Variants in DTNB observed in about 807,000 individuals in gnomAD.
DTNB encodes the protein dystrobrevin beta.
In DTNB, 63 loss-of-function variants were observed where a neutral mutation model predicts 90.7. The observed-to-expected ratio is 0.69, with a 90% CI of 0.57 to 0.86. DTNB has a LOEUF of 0.86. DTNB is among the 40% of genes least tolerant of loss of function. DTNB has a pLI of 0.00. For synonymous variants in DTNB, 277 were observed against 286.7 expected (o/e 0.97, Z 0.34); for missense variants, 744 against 807.1 (o/e 0.92, Z 0.95).
intron 4 of DTNB, among the ~76,000 whole-genome samples, chr2:25,615,330 G>C (rs1024355634): frequency 6.6e-6 from 1 of 151,974 alleles, no homozygotes; most frequent in Non-Finnish European, 1.5e-5. Flanking sequence ...CATTACCTAG[G>C]GGTGACTGAT....
At chr2:25,575,059 GAGTTAT>G (rs1297854429) in intron 8 of DTNB, among the ~76,000 whole-genome samples, 2 of 152,056 alleles carry the variant, frequency 1.3e-5, no homozygotes, top group Non-Finnish European at 2.9e-5. Context: ...ATTTTTAAAA[GAGTTAT>G]AGGTTAGCCA....
At chr2:25,514,501 C>CA (rs989866961) in intron 9 of DTNB, among the ~76,000 whole-genome samples, 1 of 144,874 alleles carries the variant, frequency 6.9e-6, no homozygotes, top group African/African-American at 2.6e-5. Context: ...CCACCCCCCA[C>CA]AAAAACAAAA....
At chr2:25,392,260 A>G (rs1448591535) in intron 16 of DTNB, among the ~76,000 whole-genome samples, 1 of 152,072 alleles carries the variant, frequency 6.6e-6, no homozygotes, top group Non-Finnish European at 1.5e-5. Flanking sequence ...AAAAACAAAA[A>G]TTAACAGGGT....
chr2:25,481,347 G>C (rs1333863710), intron 10 of DTNB, among the ~76,000 whole-genome samples: 1 of 151,458 alleles, frequency 6.6e-6, no homozygotes, highest in Non-Finnish European at 1.5e-5. Context: ...GGAGGTTGCA[G>C]TGAGCTAAGA....
At chr2:25,550,826 T>G (rs1378918272) in intron 8 of DTNB, among the ~76,000 whole-genome samples, 2 of 152,178 alleles carry the variant, frequency 1.3e-5, no homozygotes, top group African/African-American at 4.8e-5. Context: ...ATCTTTGTAT[T>G]TTTAGTAGAG....
In DTNB at chr2:25,492,397, T is replaced by C. The variant is rs59653785; in HGVS notation, c.1002-9524A>G. 8.1e-3 allele frequency among the ~76,000 whole-genome samples: 1,238 copies of C among 152,104 alleles called. 15 individuals carry two copies. Among genetic ancestry groups the C allele is most frequent in the African/African-American group, 0.028 (1,174 of 41,486 alleles). On this transcript the variant is annotated intron_variant, in intron 9 of 20. Transcript: ENST00000406818. ...ACCAGACTGTTGACTAAAAAAAAAG[T>C]TTAACAATGGGCTTAAAATCAACAC...
At chr2:25,520,526 A>C in intron 9 of DTNB, among the ~76,000 whole-genome samples, 1 of 152,370 alleles carries the variant, frequency 6.6e-6, no homozygotes, top group South Asian at 2.1e-4. Flanking sequence ...TAAACAACAT[A>C]AACAAGAAGT....
intron 10 of DTNB, among the ~76,000 whole-genome samples, chr2:25,456,561 TTTTTTTTGTTTTTG>T (rs376756739): frequency 9.8e-4 from 149 of 152,084 alleles, no homozygotes; most frequent in African/African-American, 3.4e-3. Context: ...ATTTCTGGGT[TTTTTTTTGTTTTTG>T]TTTTTTTGTT....
chr2:25,435,373 A>G (rs759965197), intron 12 of DTNB, among the ~76,000 whole-genome samples: 8 of 152,232 alleles, frequency 5.3e-5, no homozygotes, highest in Non-Finnish European at 1.2e-4. Context: ...CACCCCAAAA[A>G]GAAACAGCAT....
intron 9 of DTNB, among the ~76,000 whole-genome samples, chr2:25,496,631 G>A (rs542642628): frequency 4.3e-4 from 66 of 152,232 alleles, no homozygotes; most frequent in Non-Finnish European, 8.1e-4. Flanking sequence ...ATCACCTGAG[G>A]TCAAAAGTTC....
At chr2:25,473,387 C>T (rs1485414959) in intron 10 of DTNB, among the ~76,000 whole-genome samples, 1 of 152,162 alleles carries the variant, frequency 6.6e-6, no homozygotes, top group African/African-American at 2.4e-5. Context: ...GAAGCAACTA[C>T]AATGAGTCAG....
intron 16 of DTNB, among the ~76,000 whole-genome samples, chr2:25,391,372 T>C (rs1006212315): frequency 6.6e-6 from 1 of 152,306 alleles, no homozygotes; most frequent in South Asian, 2.1e-4. Context: ...ACATGATCTA[T>C]ATATAAAATA....
intron 2 of DTNB, among the ~76,000 whole-genome samples, chr2:25,641,705 A>G (rs1167885664): frequency 1.1e-4 from 16 of 152,254 alleles, no homozygotes; most frequent in Admixed American, 9.8e-4. Context: ...CTCTGTTAAC[A>G]TGTTGAAGAA....
rs1360319199 is a variant in DTNB, at chr2:25,579,789, G to A, written c.709+932C>T. On this transcript the variant is annotated intron_variant, in intron 7 of 20. Transcript: ENST00000406818. ...TTTAAATCATTCCAAAATAATTATA[G>A]TTTTAGCAGTTGATATAGCATATAT... Among the ~76,000 whole-genome samples, 8 of 152,084 alleles carry A rather than the reference G, an allele frequency of 5.3e-5. No homozygotes were observed. The East Asian group carries it at 1.5e-3, about 29-fold the overall frequency.
intron 8 of DTNB, among the ~76,000 whole-genome samples, chr2:25,566,083 C>T (rs1204327099): frequency 6.6e-6 from 1 of 152,108 alleles, no homozygotes; most frequent in Non-Finnish European, 1.5e-5. Flanking sequence ...TCACATGAAC[C>T]CCGTAAAAGC....
intron 9 of DTNB, among the ~76,000 whole-genome samples, chr2:25,494,232 T>C (rs2068253335): frequency 6.6e-6 from 1 of 152,166 alleles, no homozygotes; most frequent in Non-Finnish European, 1.5e-5. Flanking sequence ...AGGAAGATAA[T>C]GGGTTCAAGG....
intron 16 of DTNB, chr2:25,399,364 T>TTTTTTTTTTTA (rs70947887): frequency 6.7e-6 from 1 of 149,630 alleles, no homozygotes; most frequent in African/African-American, 2.5e-5. Context: ...TTTTTTTTTT[T>TTTTTTTTTTTA]AGACAGGATC....
chr2:25,582,943 T>C (rs1381276632), intron 6 of DTNB, among the ~76,000 whole-genome samples: 1 of 152,014 alleles, frequency 6.6e-6, no homozygotes, highest in Non-Finnish European at 1.5e-5. Context: ...CAAACCAAGA[T>C]AAAGTCAAAA....
chr2:25,411,014 T>C (rs920149495), intron 16 of DTNB, among the ~76,000 whole-genome samples: 5 of 151,698 alleles, frequency 3.3e-5, no homozygotes, highest in Non-Finnish European at 5.9e-5. Context: ...TCTTTGCTCC[T>C]GGGGGGCCAT....
Sources: gnomAD v4.1 joint callset for allele counts (sites outside exome capture counted in the v4.1 genomes callset) on GRCh38, gnomAD v4.1.1 for gene constraint, MANE v1.5 for transcripts, NCBI Gene and HGNC (gene_info 2026-07-23, HGNC 2026-07-21) for gene names.